Variants in SLCO1B3 observed in about 807,000 individuals in gnomAD.
The protein encoded by SLCO1B3 is liver-specific organic anion transporter 2.
Under a neutral mutation model 71.8 loss-of-function variants are expected in SLCO1B3, and 72 were observed. The observed-to-expected ratio is 1.00, with a 90% CI of 0.83 to 1.22. The LOEUF is 1.22. Among genes scored for constraint, SLCO1B3 ranks in the 50% most tolerant of loss-of-function variants. The pLI is 0.00. For missense variants in SLCO1B3, 911 were observed against 819.7 expected, an observed-to-expected ratio of 1.11 and a Z score of -1.36; for synonymous variants, 298 against 278.4, an observed-to-expected ratio of 1.07 and a Z score of -0.70.
At chr12:20,889,482 T>G (rs1865859796) in intron 13 of SLCO1B3, among the ~76,000 whole-genome samples, 1 of 152,174 alleles carries the variant, frequency 6.6e-6, no homozygotes, top group Non-Finnish European at 1.5e-5. Flanking sequence ...TTCCAGTTTA[T>G]GTATGTAGAG....
At chr12:20,893,888 G>A (rs1268055329) in intron 13 of SLCO1B3, among the ~76,000 whole-genome samples, 3 of 152,124 alleles carry the variant, frequency 2.0e-5, no homozygotes, top group Non-Finnish European at 4.4e-5. Context: ...AATTGAAAAG[G>A]CCCAAAGGAG....
intron 3 of SLCO1B3, among the ~76,000 whole-genome samples, chr12:20,843,927 T>C (rs995321892): frequency 6.6e-6 from 1 of 152,280 alleles, no homozygotes; most frequent in African/African-American, 2.4e-5. Context: ...TGTGTCCCTA[T>C]GTCTTTTGCT....
At chr12:20,852,677 TAA>T (rs1238457406) in intron 3 of SLCO1B3, among the ~76,000 whole-genome samples, 1 of 152,204 alleles carries the variant, frequency 6.6e-6, no homozygotes, top group African/African-American at 2.4e-5. Flanking sequence ...AGTTTATTCC[TAA>T]GTGTTTTATC....
chr12:20,858,795 ATAT>A (rs35752173), intron 5 of SLCO1B3: 12,332 of 287,490 alleles, frequency 0.043, 451 homozygotes, highest in East Asian at 0.14. Flanking sequence ...AATAAGAATA[ATAT>A]TATATAAGGT....
chr12:20,841,523 A>G (rs1326489475), intron 3 of SLCO1B3, among the ~76,000 whole-genome samples: 1 of 116,068 alleles, frequency 8.6e-6, no homozygotes, highest in Non-Finnish European at 2.0e-5. Flanking sequence ...ACTGTGGCAG[A>G]TATTGTCTGT....
chr12:20,855,226 GTTCATGCA>G, intron 4 of SLCO1B3, 57 bp downstream of exon 4: 1 of 1,416,190 alleles, frequency 7.1e-7, no homozygotes, highest in Admixed American at 1.9e-5. Context: ...AAAACAAACT[GTTCATGCA>G]TGCTTTATAT....
Position 20,858,456 on chromosome 12 carries a change from G to A in SLCO1B3, c.244G>A (p.Val82Ile). 1.3e-6 allele frequency: 2 copies of A among 1,588,322 alleles called. No homozygotes were observed. Among genetic ancestry groups the A allele is most frequent in the South Asian group, 1.1e-5 (1 of 90,354 alleles). ...TTTTCTAGGAAATTTGCTTGTGATT[G>A]TATTTGTAAGTTACTTTGGATCTAA... is the stretch of plus-strand genomic sequence containing the variant. ...SFEIGNLLVI[V>I]FVSYFGSKLH... Residue 82 changes from valine to isoleucine, a missense_variant, in exon 5 of 16, where the codon GTA becomes ATA. Coordinates refer to ENST00000381545, the MANE Select transcript of SLCO1B3 (RefSeq NM_019844.4).
intron 3 of SLCO1B3, among the ~76,000 whole-genome samples, chr12:20,822,694 T>C (rs1289232323): frequency 6.6e-6 from 1 of 152,180 alleles, no homozygotes; most frequent in African/African-American, 2.4e-5. Context: ...GGTCAGTTAT[T>C]TATTTGTCTT....
intron 3 of SLCO1B3, among the ~76,000 whole-genome samples, chr12:20,852,315 T>C: frequency 6.6e-6 from 1 of 151,824 alleles, no homozygotes; most frequent in East Asian, 1.9e-4. Flanking sequence ...ATGCCACATC[T>C]TTAAAAAAAA....
At chr12:20,837,263 A>G (rs1391675460) in intron 3 of SLCO1B3, among the ~76,000 whole-genome samples, 1 of 151,954 alleles carries the variant, frequency 6.6e-6, no homozygotes, top group Non-Finnish European at 1.5e-5. Context: ...TCTAAAGAAC[A>G]AGTCTTTGGT....
intron 3 of SLCO1B3, among the ~76,000 whole-genome samples, chr12:20,821,846 C>T (rs1433868059): frequency 6.6e-6 from 1 of 152,180 alleles, no homozygotes; most frequent in African/African-American, 2.4e-5. Context: ...GGAAGGCTGC[C>T]TTCCCAGTCC....
chr12:20,833,532 TTA>T (rs1212930435), intron 3 of SLCO1B3, among the ~76,000 whole-genome samples: 1 of 145,836 alleles, frequency 6.9e-6, no homozygotes, highest in Non-Finnish European at 1.5e-5. Context: ...CATATATAGT[TTA>T]TATATGTATA....
intron 13 of SLCO1B3, among the ~76,000 whole-genome samples, chr12:20,897,440 T>G (rs1003843267): frequency 9.2e-5 from 14 of 152,220 alleles, no homozygotes; most frequent in Non-Finnish European, 1.9e-4. Flanking sequence ...ACATATGAGA[T>G]AAGCATTATC....
intron 9 of SLCO1B3, among the ~76,000 whole-genome samples, chr12:20,876,991 C>T (rs554448847): frequency 3.3e-5 from 5 of 152,026 alleles, no homozygotes; most frequent in African/African-American, 9.7e-5. Context: ...CTGCCATACC[C>T]GGCTAATTTT....
At chr12:20,841,759 A>C (rs189912252) in intron 3 of SLCO1B3, among the ~76,000 whole-genome samples, 1 of 151,820 alleles carries the variant, frequency 6.6e-6, no homozygotes. Flanking sequence ...CTCAGCATCT[A>C]TTGTTCACCT....
intron 3 of SLCO1B3, among the ~76,000 whole-genome samples, chr12:20,816,232 AAGGTACAGTT>A (rs1246491280): frequency 1.3e-5 from 2 of 152,158 alleles, no homozygotes; most frequent in African/African-American, 4.8e-5. Flanking sequence ...TTTATTTTAA[AAGGTACAGTT>A]AAGTAATTGA....
At chr12:20,900,025 A>G (rs1197741048) in intron 14 of SLCO1B3, among the ~76,000 whole-genome samples, 2 of 152,206 alleles carry the variant, frequency 1.3e-5, no homozygotes, top group Non-Finnish European at 2.9e-5. Context: ...AAGATTTACA[A>G]TTCTAATAAG....
chr12:20,883,904 T>C (rs1171625951), intron 13 of SLCO1B3, among the ~76,000 whole-genome samples: 1 of 152,206 alleles, frequency 6.6e-6, no homozygotes, highest in Non-Finnish European at 1.5e-5. Context: ...AAAAGAACTT[T>C]TAATTTTGAG....
At chr12:20,857,206 A>C (rs1865157994) in intron 4 of SLCO1B3, among the ~76,000 whole-genome samples, 1 of 151,954 alleles carries the variant, frequency 6.6e-6, no homozygotes, top group African/African-American at 2.4e-5. Flanking sequence ...TTTATCTTTA[A>C]ATATCCAAAA....
Sources: gnomAD v4.1 joint callset for allele counts (sites outside exome capture counted in the v4.1 genomes callset) on GRCh38, gnomAD v4.1.1 for gene constraint, MANE v1.5 for transcripts, NCBI Gene and HGNC (gene_info 2026-07-23, HGNC 2026-07-21) for gene names.